The following CDH12 variants were observed in gnomAD, a reference collection of about 807,000 sequenced individuals.
The protein encoded by CDH12 is cadherin 12, also known as cadherin-12.
In CDH12, 41 loss-of-function variants were observed where a neutral mutation model predicts 74.1. The ratio of observed to expected loss-of-function variants is 0.55; its 90% CI spans 0.43 to 0.72. CDH12 has a LOEUF of 0.72. Ranked by LOEUF, CDH12 falls within the 30% of genes least tolerant of loss-of-function variation. The pLI is 0.00. For missense variants in CDH12, 945 were observed against 977.2 expected, an observed-to-expected ratio of 0.97 and a Z score of 0.44; for synonymous variants, 399 against 355.0, an observed-to-expected ratio of 1.12 and a Z score of -1.39.
At chr5:22,052,414 T>G (rs1561060139) in intron 5 of CDH12, among the ~76,000 whole-genome samples, 2 of 152,160 alleles carry the variant, frequency 1.3e-5, no homozygotes, top group African/African-American at 4.8e-5. Context: ...ATCGTTCACC[T>G]ATGACAGCCC....
intron 1 of CDH12, among the ~76,000 whole-genome samples, chr5:22,737,081 T>C (rs1471844794): frequency 6.6e-6 from 1 of 151,978 alleles, no homozygotes; most frequent in Non-Finnish European, 1.5e-5. Context: ...TTTAAAATCC[T>C]CCCAAGGTTT....
chr5:22,364,102 A>C (rs983779048), intron 3 of CDH12, among the ~76,000 whole-genome samples: 12 of 152,314 alleles, frequency 7.9e-5, no homozygotes, highest in African/African-American at 2.4e-4. Flanking sequence ...TTTCCAATTT[A>C]ATACAGTCTA....
At chr5:22,598,069 T>C (rs954641474) in intron 1 of CDH12, among the ~76,000 whole-genome samples, 1 of 152,160 alleles carries the variant, frequency 6.6e-6, no homozygotes, top group African/African-American at 2.4e-5. Flanking sequence ...GAATTCTAAT[T>C]GTATCAATAA....
intron 1 of CDH12, among the ~76,000 whole-genome samples, chr5:22,704,583 T>TA (rs1454978378): frequency 2.6e-5 from 4 of 152,090 alleles, no homozygotes; most frequent in Admixed American, 6.6e-5. Context: ...TGGCAGCTGA[T>TA]AAAAAATCTG....
At chr5:21,828,914 T>C (rs1205598568) in intron 8 of CDH12, among the ~76,000 whole-genome samples, 2 of 13,370 alleles carry the variant, frequency 1.5e-4, no homozygotes, top group Admixed American at 7.8e-4. Flanking sequence ...ATGTCTTTTT[T>C]TTTTTTTTTT....
chr5:21,881,844 G>A (rs1029212564), intron 6 of CDH12, among the ~76,000 whole-genome samples: 10 of 151,990 alleles, frequency 6.6e-5, no homozygotes, highest in Non-Finnish European at 1.5e-4. Context: ...TTTGAATCAT[G>A]GATCTTTTTT....
chr5:22,617,509 G>A (rs1209436600), intron 1 of CDH12, among the ~76,000 whole-genome samples: 1 of 152,054 alleles, frequency 6.6e-6, no homozygotes, highest in African/African-American at 2.4e-5. Context: ...ATCCATAAAT[G>A]TTAAGTATCT....
chr5:22,006,162 G>A (rs959668059), intron 5 of CDH12, among the ~76,000 whole-genome samples: 1 of 151,826 alleles, frequency 6.6e-6, no homozygotes, highest in Non-Finnish European at 1.5e-5. Flanking sequence ...CTATGTCTGT[G>A]TTTCAGGCCA....
In CDH12 at chr5:22,281,746, A is replaced by T. The variant is rs1329677413; in HGVS notation, c.-332-69103T>A. 2.0e-5 allele frequency among the ~76,000 whole-genome samples: 3 copies of T among 152,180 alleles called. No homozygotes were observed. In the East Asian group the frequency reaches 5.8e-4, roughly 29 times the overall value. On this transcript the variant is annotated intron_variant, in intron 3 of 14. Coordinates refer to ENST00000382254, the MANE Select transcript of CDH12 (RefSeq NM_004061.5). ...AGAGGACACAAACAACTAGAATAAC[A>T]TTCCATGCTCATGGATAGAAAAAAT...
intron 8 of CDH12, among the ~76,000 whole-genome samples, chr5:21,823,678 C>T (rs538738826): frequency 6.6e-6 from 1 of 152,016 alleles, no homozygotes; most frequent in Non-Finnish European, 1.5e-5. Context: ...TTGAACTGAT[C>T]TACTGTCCTT....
intron 3 of CDH12, among the ~76,000 whole-genome samples, chr5:22,374,847 A>T (rs1313262393): frequency 6.6e-6 from 1 of 151,100 alleles, no homozygotes; most frequent in East Asian, 1.9e-4. Context: ...TCATGAATTG[A>T]AAAAAAAATA....
chr5:22,484,954 G>A (rs980955148), intron 2 of CDH12, among the ~76,000 whole-genome samples: 2 of 151,926 alleles, frequency 1.3e-5, no homozygotes, highest in Non-Finnish European at 2.9e-5. Context: ...AAGGGTCTTT[G>A]GATACATATT....
chr5:22,527,021 G>A (rs1737315572), intron 1 of CDH12, among the ~76,000 whole-genome samples: 1 of 152,116 alleles, frequency 6.6e-6, no homozygotes, highest in African/African-American at 2.4e-5. Context: ...GCCTCCATAA[G>A]CTCTTACTCT....
chr5:22,063,984 GAGAT>G (rs1328029151), intron 5 of CDH12, among the ~76,000 whole-genome samples: 1 of 80,340 alleles, frequency 1.2e-5, no homozygotes, highest in Non-Finnish European at 2.5e-5. Context: ...TGCAATTATG[GAGAT>G]ACACACACAC....
chr5:22,034,550 T>C lies in CDH12; in HGVS notation c.231+43896A>G, dbSNP rs1739041411. Among the ~76,000 whole-genome samples, 3 of 152,294 alleles carry C rather than the reference T, an allele frequency of 2.0e-5. No individual in the cohort carries two copies. The South Asian group carries it at 6.2e-4, about 32-fold the overall frequency. ...CCCACGACCAGCTGAACATTCCTGC[T>C]CTGTCTGCCTTCATGCTACACTAAA... On this transcript the variant is annotated intron_variant, in intron 5 of 14. Coordinates refer to ENST00000382254, the MANE Select transcript of CDH12 (RefSeq NM_004061.5).
chr5:22,696,164 C>A (rs1015742052), intron 1 of CDH12, among the ~76,000 whole-genome samples: 1 of 151,810 alleles, frequency 6.6e-6, no homozygotes, highest in Non-Finnish European at 1.5e-5. Context: ...GTCAGGAGAT[C>A]GAGACCATCC....
chr5:22,613,850 T>C (rs146751012), intron 1 of CDH12, among the ~76,000 whole-genome samples: 3 of 152,188 alleles, frequency 2.0e-5, no homozygotes, highest in South Asian at 2.1e-4. Flanking sequence ...ATAAATAGAT[T>C]CCCAAATGCT....
intron 6 of CDH12, among the ~76,000 whole-genome samples, chr5:21,897,650 A>C (rs768744914): frequency 6.6e-5 from 10 of 152,218 alleles, no homozygotes; most frequent in Non-Finnish European, 1.2e-4. Context: ...TTTTGTATAC[A>C]TATGCTTGCA....
At chr5:22,662,982 T>C (rs766965367) in intron 1 of CDH12, among the ~76,000 whole-genome samples, 6 of 152,198 alleles carry the variant, frequency 3.9e-5, no homozygotes, top group Non-Finnish European at 5.9e-5. Context: ...CCTCTCCCAT[T>C]AATAAATAAC....
Sources: gnomAD v4.1 joint callset for allele counts (sites outside exome capture counted in the v4.1 genomes callset) on GRCh38, gnomAD v4.1.1 for gene constraint, MANE v1.5 for transcripts, NCBI Gene and HGNC (gene_info 2026-07-23, HGNC 2026-07-21) for gene names.